DLG2: variants seen among roughly 807,000 people sequenced by gnomAD.
DLG2 encodes disks large homolog 2.
DLG2 carries 45 observed loss-of-function variants against 132.5 expected under a neutral mutation model. The observed-to-expected ratio is 0.34, with a 90% CI of 0.27 to 0.44. DLG2 has a LOEUF of 0.44. Ranked by LOEUF, DLG2 falls within the 20% of genes least tolerant of loss-of-function variation. DLG2 has a pLI of 1.00. For synonymous variants in DLG2, 424 were observed against 419.6 expected (o/e 1.01, Z -0.13); for missense variants, 1,045 against 1,196.9 (o/e 0.87, Z 1.87).
chr11:84,931,414 AGTATTTGCTTTTCTATTCCT>A (rs2048075993), intron 6 of DLG2, among the ~76,000 whole-genome samples: 1 of 152,090 alleles, frequency 6.6e-6, no homozygotes, highest in South Asian at 2.1e-4. Context: ...GAGAGCATGC[AGTATTTGCTTTTCTATTCCT>A]GTGTTAGTTT....
At chr11:83,945,449 T>G (rs1308525105) in intron 14 of DLG2, among the ~76,000 whole-genome samples, 1 of 152,298 alleles carries the variant, frequency 6.6e-6, no homozygotes, top group Non-Finnish European at 1.5e-5. Context: ...TCCCAAAGAC[T>G]TCTCTCTTCC....
At chr11:84,675,694 C>G (rs1301569781) in intron 6 of DLG2, among the ~76,000 whole-genome samples, 1 of 152,058 alleles carries the variant, frequency 6.6e-6, no homozygotes, top group Non-Finnish European at 1.5e-5. Context: ...TGACATTAGA[C>G]GGGACGGTAT....
At chr11:84,674,131 G>A (rs2099708894) in intron 6 of DLG2, among the ~76,000 whole-genome samples, 1 of 152,142 alleles carries the variant, frequency 6.6e-6, no homozygotes, top group East Asian at 1.9e-4. Context: ...ATAGTGATGA[G>A]TGTCCTTCTA....
chr11:83,613,689 T>G (rs76490813), intron 19 of DLG2, among the ~76,000 whole-genome samples: 33 of 152,266 alleles, frequency 2.2e-4, no homozygotes, highest in Admixed American at 3.9e-4. Context: ...TAGACTTCCA[T>G]GCAAGAAATC....
At chr11:83,590,609 A>C (rs937921525) in intron 19 of DLG2, among the ~76,000 whole-genome samples, 7 of 152,066 alleles carry the variant, frequency 4.6e-5, no homozygotes, top group African/African-American at 1.7e-4. Flanking sequence ...ACACATTCAA[A>C]AGCTAGCAGA....
chr11:85,573,484 A>G lies in DLG2; in HGVS notation c.40+25173T>C, dbSNP rs563626428. Among the ~76,000 whole-genome samples, 168 of 152,246 alleles carry G rather than the reference A, an allele frequency of 1.1e-3. 1 individual carries two copies. Among genetic ancestry groups the G allele is most frequent in the African/African-American group, 3.9e-3 (163 of 41,558 alleles). On this transcript the variant is annotated intron_variant, in intron 3 of 27. Coordinates refer to ENST00000376104, the MANE Select transcript of DLG2 (RefSeq NM_001142699.3). Reference sequence around the variant, plus strand: ...AGAATCAAGAGTGTAAGGCACTGTGATAAGTGTTAATGAGTCAGAGTCCAG... The same window carrying G: ...AGAATCAAGAGTGTAAGGCACTGTGGTAAGTGTTAATGAGTCAGAGTCCAG...
chr11:84,104,721 A>G (rs1224981632), intron 9 of DLG2, among the ~76,000 whole-genome samples: 8 of 152,106 alleles, frequency 5.3e-5, no homozygotes, highest in Non-Finnish European at 1.5e-5. Flanking sequence ...GAAAATTACT[A>G]ACTTTAATTA....
intron 8 of DLG2, among the ~76,000 whole-genome samples, chr11:84,243,824 T>C (rs951393265): frequency 1.3e-5 from 2 of 152,228 alleles, no homozygotes; most frequent in African/African-American, 4.8e-5. Context: ...TGTTTTATTT[T>C]ATCATAGATA....
intron 5 of DLG2, among the ~76,000 whole-genome samples, chr11:85,121,904 GTC>G (rs2074368523): frequency 6.6e-6 from 1 of 152,114 alleles, no homozygotes; most frequent in Non-Finnish European, 1.5e-5. Context: ...GTGCACATGA[GTC>G]TATATATACA....
At chr11:84,273,002 C>T (rs542635063) in intron 7 of DLG2, 2 of 603,850 alleles carry the variant, frequency 3.3e-6, no homozygotes, top group African/African-American at 1.9e-5. Context: ...CAGAGAAAAA[C>T]CATATATTTA....
At chr11:84,536,030 G>A (rs1015734222) in intron 6 of DLG2, among the ~76,000 whole-genome samples, 3 of 151,716 alleles carry the variant, frequency 2.0e-5, no homozygotes, top group South Asian at 2.1e-4. Context: ...CCACTCCAGG[G>A]ATGGTAATTC....
chr11:85,590,176 T>C (rs1271880762), intron 3 of DLG2, among the ~76,000 whole-genome samples: 5 of 152,118 alleles, frequency 3.3e-5, no homozygotes, highest in Non-Finnish European at 1.5e-5. Context: ...TCTTTGATAG[T>C]GGGAGATCAA....
chr11:84,478,950 A>T (rs976651782), intron 7 of DLG2, among the ~76,000 whole-genome samples: 2 of 152,096 alleles, frequency 1.3e-5, no homozygotes, highest in Non-Finnish European at 2.9e-5. Context: ...GAAGAGTTTT[A>T]ATAGGCATAG....
At chr11:83,779,084 C>A (rs1280599160) in intron 18 of DLG2, among the ~76,000 whole-genome samples, 1 of 151,938 alleles carries the variant, frequency 6.6e-6, no homozygotes, top group African/African-American at 2.4e-5. Context: ...TATTTCAGTA[C>A]AAATTAGAAT....
intron 9 of DLG2, among the ~76,000 whole-genome samples, chr11:84,138,122 C>A (rs2094681566): frequency 6.6e-6 from 1 of 152,140 alleles, no homozygotes; most frequent in African/African-American, 2.4e-5. Flanking sequence ...CTCAGCTCTC[C>A]CACATCCTGG....
chr11:83,484,294 CA>C, intron 21 of DLG2, 66 bp from the exon 22 acceptor site: 2 of 1,147,758 alleles, frequency 1.7e-6, no homozygotes, highest in South Asian at 2.6e-5. Flanking sequence ...CTCATGCTGA[CA>C]AAACAACTAG....
chr11:83,629,062 A>G (rs2063121706), intron 19 of DLG2, among the ~76,000 whole-genome samples: 1 of 152,174 alleles, frequency 6.6e-6, no homozygotes, highest in East Asian at 1.9e-4. Flanking sequence ...TGGTTACCTC[A>G]TATCAGAGCT....
intron 18 of DLG2, among the ~76,000 whole-genome samples, chr11:83,637,403 T>C (rs2153471156): frequency 6.6e-6 from 1 of 152,294 alleles, no homozygotes; most frequent in South Asian, 2.1e-4. Flanking sequence ...GCACCTGCAA[T>C]GAGCTAGGAT....
chr11:84,910,928 A>G (rs2091997799), intron 6 of DLG2, among the ~76,000 whole-genome samples: 1 of 152,244 alleles, frequency 6.6e-6, no homozygotes, highest in Non-Finnish European at 1.5e-5. Context: ...TAATAAATGT[A>G]TAGAAAACAA....
Sources: gnomAD v4.1 joint callset for allele counts (sites outside exome capture counted in the v4.1 genomes callset) on GRCh38, gnomAD v4.1.1 for gene constraint, MANE v1.5 for transcripts, NCBI Gene and HGNC (gene_info 2026-07-23, HGNC 2026-07-21) for gene names.